RFX4: variants seen among roughly 807,000 people sequenced by gnomAD.
RFX4 encodes transcription factor RFX4.
A neutral mutation model predicts 95.0 loss-of-function variants in RFX4; 10 were observed. That is an observed-to-expected ratio of 0.11 (90% CI 0.06 to 0.18). RFX4 has a LOEUF of 0.18. RFX4 is among the 10% of genes least tolerant of loss of function. The pLI, the probability that RFX4 is intolerant of heterozygous loss-of-function variation, is 1.00. For synonymous variants in RFX4, 321 were observed against 340.7 expected (o/e 0.94, Z 0.64); for missense variants, 640 against 922.0 (o/e 0.69, Z 3.96).
intron 4 of RFX4, among the ~76,000 whole-genome samples, chr12:106,665,156 G>A (rs2041151148): frequency 6.6e-6 from 1 of 151,722 alleles, no homozygotes; most frequent in Non-Finnish European, 1.5e-5. Flanking sequence ...GCCTTATATA[G>A]TTTGATGCTG....
chr12:106,655,964 C>A (rs2040949603), intron 4 of RFX4, among the ~76,000 whole-genome samples: 1 of 152,168 alleles, frequency 6.6e-6, no homozygotes, highest in African/African-American at 2.4e-5. Context: ...AAATAAAAAC[C>A]CTCACCACTT....
intron 4 of RFX4, among the ~76,000 whole-genome samples, chr12:106,656,309 C>T (rs1056684822): frequency 6.6e-6 from 1 of 152,176 alleles, no homozygotes; most frequent in Non-Finnish European, 1.5e-5. Flanking sequence ...TACTCAAGAG[C>T]CACATGTGAC....
intron 7 of RFX4, among the ~76,000 whole-genome samples, chr12:106,690,977 CAT>C (rs1336877991): frequency 6.6e-6 from 1 of 152,156 alleles, no homozygotes; most frequent in Non-Finnish European, 1.5e-5. Flanking sequence ...TATTGGGTCC[CAT>C]ACACTATTGG....
chr12:106,698,557 G>T (rs1244938158), intron 8 of RFX4, among the ~76,000 whole-genome samples: 2 of 152,070 alleles, frequency 1.3e-5, no homozygotes, highest in African/African-American at 4.8e-5. Flanking sequence ...TTGTTCAGAG[G>T]GTTTTATAGT....
intron 2 of RFX4, among the ~76,000 whole-genome samples, chr12:106,619,412 C>G (rs1419404033): frequency 6.6e-6 from 1 of 152,080 alleles, no homozygotes; most frequent in South Asian, 2.1e-4. Flanking sequence ...TATCATTCCA[C>G]TGTCTTCTGG....
At chr12:106,628,871 T>A (rs2040359297) in intron 2 of RFX4, among the ~76,000 whole-genome samples, 1 of 151,690 alleles carries the variant, frequency 6.6e-6, no homozygotes, top group Non-Finnish European at 1.5e-5. Context: ...GTGATTCTCC[T>A]GTCTCATCCT....
intron 1 of RFX4, among the ~76,000 whole-genome samples, chr12:106,606,994 CAG>C (rs2039848588): frequency 6.6e-6 from 1 of 152,114 alleles, no homozygotes; most frequent in Non-Finnish European, 1.5e-5. Context: ...CTAGGAAAAA[CAG>C]AGATTAAAAT....
At chr12:106,593,177 A>G (rs1373425864) in intron 1 of RFX4, among the ~76,000 whole-genome samples, 1 of 152,346 alleles carries the variant, frequency 6.6e-6, no homozygotes, top group East Asian at 1.9e-4. Flanking sequence ...GTGAAAATGG[A>G]CACGTTGGAT....
intron 8 of RFX4, among the ~76,000 whole-genome samples, chr12:106,709,119 A>C (rs566687023): frequency 3.3e-5 from 5 of 152,288 alleles, no homozygotes; most frequent in African/African-American, 1.2e-4. Flanking sequence ...GCCATCAGTG[A>C]CCAGCAGAGT....
At chr12:106,705,733 G>A (rs1341140431) in intron 8 of RFX4, among the ~76,000 whole-genome samples, 1 of 152,160 alleles carries the variant, frequency 6.6e-6, no homozygotes, top group Non-Finnish European at 1.5e-5. Context: ...GGGAGGAGCT[G>A]CAGCCAGAGA....
chr12:106,702,504 A>G lies in RFX4; in HGVS notation c.833+6058A>G, dbSNP rs184041060. On this transcript the variant is annotated intron_variant, in intron 8 of 17. Transcript: ENST00000392842. ...GTGCCTACTCCTTTACCTGTAGGCCATCCCTATGCACACAGTTGCTTAAGA... is the reference window on the plus strand; with the variant it reads ...GTGCCTACTCCTTTACCTGTAGGCCGTCCCTATGCACACAGTTGCTTAAGA... Among the ~76,000 whole-genome samples, 36 of 152,324 alleles carry G rather than the reference A, an allele frequency of 2.4e-4. 1 individual carries two copies. In the East Asian group the frequency reaches 6.2e-3, roughly 26 times the overall value.
Position 106,750,506 on chromosome 12 carries a change from G to A in RFX4, c.1797-149G>A, listed in dbSNP as rs111824217. 2,658 of 635,550 alleles carry A rather than the reference G, an allele frequency of 4.2e-3. 69 individuals carry two copies. The African/African-American group carries it at 0.048, about 11-fold the overall frequency. 39.4% of individuals were successfully genotyped at this position (635,550 alleles called of 1,614,324 possible). ...AAAAAAAAAAAACAGATGAAAGAAA[G>A]AAAAATGGGATTGGGGGTGAAGGGG... On this transcript the variant is annotated intron_variant, in intron 16 of 17. Coordinates refer to ENST00000392842, the MANE Select transcript of RFX4 (RefSeq NM_213594.3).
chr12:106,657,551 T>A (rs1043678474), intron 4 of RFX4, among the ~76,000 whole-genome samples: 7 of 152,190 alleles, frequency 4.6e-5, no homozygotes, highest in African/African-American at 1.2e-4. Context: ...TTAGGGAGTA[T>A]AGAGAATGTG....
intron 2 of RFX4, among the ~76,000 whole-genome samples, chr12:106,624,472 G>T (rs1055845641): frequency 7.2e-5 from 11 of 151,970 alleles, no homozygotes; most frequent in South Asian, 2.1e-4. Context: ...CTACAGGAGC[G>T]CACCACCACG....
At chr12:106,724,623 A>G (rs1256047284) in intron 13 of RFX4, among the ~76,000 whole-genome samples, 2 of 152,206 alleles carry the variant, frequency 1.3e-5, no homozygotes, top group African/African-American at 4.8e-5. Context: ...ACTGTCAACT[A>G]TTATTCAAGA....
At chr12:106,599,266 T>A (rs551209372) in intron 1 of RFX4, among the ~76,000 whole-genome samples, 1 of 152,156 alleles carries the variant, frequency 6.6e-6, no homozygotes, top group East Asian at 1.9e-4. Flanking sequence ...ATATTGAGTT[T>A]CCCTAAAGTG....
intron 1 of RFX4, among the ~76,000 whole-genome samples, chr12:106,604,115 CTTTTTTTTTT>C (rs1163891542): frequency 8.9e-6 from 1 of 112,810 alleles, no homozygotes; most frequent in Non-Finnish European, 1.8e-5. Context: ...GCTTCTCTCT[CTTTTTTTTTT>C]TTTTTTTTTT....
At chr12:106,757,037 T>C (rs1307880466) in intron 17 of RFX4, among the ~76,000 whole-genome samples, 1 of 152,196 alleles carries the variant, frequency 6.6e-6, no homozygotes, top group African/African-American at 2.4e-5. Flanking sequence ...GTAGATCATT[T>C]CCCTTCTCTT....
chr12:106,739,146 A>G (rs2042763319), intron 15 of RFX4, among the ~76,000 whole-genome samples: 1 of 152,142 alleles, frequency 6.6e-6, no homozygotes, highest in African/African-American at 2.4e-5. Flanking sequence ...AAAGAAAGAA[A>G]GAAAGAAAAG....
Sources: allele counts gnomAD v4.1 joint callset (sites outside exome capture counted in the v4.1 genomes callset), GRCh38; gene constraint gnomAD v4.1.1; transcripts MANE v1.5; gene names NCBI Gene and HGNC (gene_info 2026-07-23, HGNC 2026-07-21).